NLRP7: variants seen among roughly 807,000 people sequenced by gnomAD.
The protein encoded by NLRP7 is NACHT, LRR and PYD domains-containing protein 7.
Under a neutral mutation model 85.5 loss-of-function variants are expected in NLRP7, and 72 were observed. The ratio of observed to expected loss-of-function variants is 0.84; its 90% CI spans 0.70 to 1.02. The LOEUF (loss-of-function observed/expected upper bound fraction) is 1.02, where lower values mean the gene tolerates loss of function less well. Among genes scored for constraint, NLRP7 ranks in the 50% least tolerant of loss-of-function variants. The pLI is 0.00. For synonymous variants in NLRP7, 550 were observed against 505.2 expected (o/e 1.09, Z -1.19); for missense variants, 1,243 against 1,219.5 (o/e 1.02, Z -0.29).
chr19:54,947,656 G>A (rs778461497), upstream of NLRP7: 38 of 1,288,884 alleles, frequency 2.9e-5, no homozygotes, highest in Non-Finnish European at 3.6e-5. Context: ...GACATCACCT[G>A]GGCCCCATCC....
chr19:54,927,727 A>C, intron 9 of NLRP7: 1 of 1,614,140 alleles, frequency 6.2e-7, no homozygotes. Context: ...TGAGGAGAGC[A>C]GATCCAAGAT....
rs2068765908 is a variant in NLRP7 at position 54,933,593 on chromosome 19, G to C, written c.2618C>G (p.Pro873Arg). The C allele has an allele frequency of 1.9e-6, 3 of 1,614,146 alleles. No individual in the cohort carries two copies. Among genetic ancestry groups the C allele is most frequent in the Non-Finnish European group, 2.5e-6 (3 of 1,180,018 alleles). The change falls in exon 8 of 10, where the codon CCT becomes CGT. Residue 873 changes from proline (P) to arginine (R), a missense_variant. Transcript: ENST00000340844. Reference sequence around the variant, plus strand: ...CACCAAGGTCTGCAGTTTACAATCAGGGTAACTCAAGCCCTCACACAGAAA... The same window carrying C: ...CACCAAGGTCTGCAGTTTACAATCACGGTAACTCAAGCCCTCACACAGAAA...
chr19:54,944,330 A>C (rs1252900677), intron 1 of NLRP7, among the ~76,000 whole-genome samples: 2 of 151,824 alleles, frequency 1.3e-5, no homozygotes, highest in African/African-American at 4.8e-5. Context: ...GCTGGCAGCA[A>C]TACTGCTCTT....
chr19:54,939,986 G>A lies in NLRP7; in HGVS notation c.833C>T (p.Pro278Leu), dbSNP rs377212676. Residue 278 changes from proline (P) to leucine (L), a missense_variant, in exon 4 of 10, where the codon CCG becomes CTG. Coordinates refer to ENST00000340844, the Ensembl canonical transcript of NLRP7. ...CAAACTCCCCAGGAGGACGGGCACC[G>A]GCTTCTTCTTCTCCCAGTCCCCGCA... The A allele has an allele frequency of 1.2e-5, 20 of 1,614,006 alleles. No homozygotes were observed. Among genetic ancestry groups the A allele is most frequent in the Admixed American group, 3.3e-5 (2 of 59,976 alleles).
At chr19:54,946,207 A>G (rs1395329236) in intron 1 of NLRP7, among the ~76,000 whole-genome samples, 1 of 144,376 alleles carries the variant, frequency 6.9e-6, no homozygotes, top group Non-Finnish European at 1.5e-5. Context: ...GCATCTGGCC[A>G]TTTACATTTT....
intron 1 of NLRP7, among the ~76,000 whole-genome samples, chr19:54,945,600 C>CT (rs1195867789): frequency 1.1e-3 from 162 of 150,952 alleles, no homozygotes; most frequent in Admixed American, 0.011. Context: ...ACATTTTTTT[C>CT]TTTTTTTCTT....
intron 1 of NLRP7, among the ~76,000 whole-genome samples, chr19:54,952,817 C>T (rs1414642480): frequency 6.6e-6 from 1 of 151,990 alleles, no homozygotes; most frequent in Non-Finnish European, 1.5e-5. Flanking sequence ...AAGGCTGAGA[C>T]CTACCGGGCT....
intron 4 of NLRP7, among the ~76,000 whole-genome samples, chr19:54,938,459 C>G (rs1359743513): frequency 6.6e-6 from 1 of 152,144 alleles, no homozygotes; most frequent in Non-Finnish European, 1.5e-5. Context: ...TGAGGTGGCT[C>G]ATGCCTGTAA....
At chr19:54,924,764 C>T (rs1453470597) in intron 9 of NLRP7, among the ~76,000 whole-genome samples, 3 of 152,014 alleles carry the variant, frequency 2.0e-5, no homozygotes, top group South Asian at 2.1e-4. Context: ...AGTGAAACCC[C>T]GTCTCTACTA....
chr19:54,934,601 C>T lies in NLRP7; in HGVS notation c.2359G>A (p.Ala787Thr), dbSNP rs868787179. ...CGCAGGTGCTTCAGGGACTGGTTGGCTTTGAGGACATAGAAGAATTCAGCC... is the reference window on the plus strand; with the variant it reads ...CGCAGGTGCTTCAGGGACTGGTTGGTTTTGAGGACATAGAAGAATTCAGCC... Residue 787 changes from alanine to threonine, a missense_variant, in exon 7 of 10, where the codon GCC (alanine) becomes ACC (threonine). This residue lies in a region of NLRP7 where 613 missense variants were observed against 588.4 expected (regional missense o/e 1.04). Coordinates refer to ENST00000340844, the Ensembl canonical transcript of NLRP7. This position sits in a 1 kb window ranked among gnomAD's most constrained non-coding sequence, Gnocchi z 6.7. 2 of 1,613,978 alleles carry T rather than the reference C, an allele frequency of 1.2e-6. No individual in the cohort carries two copies. The highest frequency in any genetic ancestry group is 1.7e-6 in the Non-Finnish European group (2 of 1,180,022).
Position 54,934,489 on chromosome 19 carries a change from G to A in NLRP7, c.2471C>T (p.Ser824Leu), listed in dbSNP as rs372546461. 2.2e-5 allele frequency: 35 copies of A among 1,614,064 alleles called. No homozygotes were observed. The highest frequency in any genetic ancestry group is 2.6e-5 in the Non-Finnish European group (31 of 1,179,956). Reference sequence around the variant, plus strand: ...CTGCCCATGGGAAGAGGAGACTTACGACAACATCTGCAGGAAGTGTTTTGG... The same window carrying A: ...CTGCCCATGGGAAGAGGAGACTTACAACAACATCTGCAGGAAGTGTTTTGG... The change falls in exon 7 of 10, where the codon TCG becomes TTG. Residue 824 changes from serine (S) to leucine (L), a missense_variant and splice_region_variant. Physicochemically the swap from Ser to Leu is moderately radical, Grantham distance 145 (BLOSUM62 -2). Transcript: ENST00000340844. This position sits in a 1 kb window ranked among gnomAD's most constrained non-coding sequence, Gnocchi z 6.7.
exon 4 of NLRP7, chr19:54,939,644 C>T: frequency 6.2e-7 from 1 of 1,611,506 alleles, no homozygotes; most frequent in Non-Finnish European, 8.5e-7. Context: ...CAGGAACAGC[C>T]CCGTGCGGGT....
At chr19:54,937,810 T>C (rs2069000936) in intron 5 of NLRP7, among the ~76,000 whole-genome samples, 1 of 149,268 alleles carries the variant, frequency 6.7e-6, no homozygotes, top group Non-Finnish European at 1.5e-5. Flanking sequence ...GGCAGGAGAA[T>C]TGCTTGAACC....
intron 9 of NLRP7, among the ~76,000 whole-genome samples, chr19:54,929,356 CTCTG>C (rs1256053602): frequency 6.6e-6 from 1 of 151,822 alleles, no homozygotes; most frequent in South Asian, 2.1e-4. Context: ...CAAAGCGAGA[CTCTG>C]TCTGAAAAAA....
chr19:54,943,963 G>C (rs976150256), intron 1 of NLRP7, among the ~76,000 whole-genome samples: 3 of 152,100 alleles, frequency 2.0e-5, no homozygotes, highest in Non-Finnish European at 4.4e-5. Flanking sequence ...AAGGCAGCAT[G>C]CTTGTTAAAA....
At chr19:54,939,263 C>A in exon 4 of NLRP7, 1 of 1,614,126 alleles carries the variant, frequency 6.2e-7, no homozygotes, top group Non-Finnish European at 8.5e-7. Flanking sequence ...TAAGAAGTGT[C>A]CTACTTGAAT....
At chr19:54,960,056 T>C (rs900649516) in intron 1 of NLRP7, among the ~76,000 whole-genome samples, 2 of 152,050 alleles carry the variant, frequency 1.3e-5, no homozygotes, top group African/African-American at 4.8e-5. Flanking sequence ...GTAGTTCCTC[T>C]TTTGGATCTC....
intron 1 of NLRP7, among the ~76,000 whole-genome samples, chr19:54,956,896 C>A (rs908548948): frequency 6.6e-6 from 1 of 151,798 alleles, no homozygotes; most frequent in African/African-American, 2.4e-5. Context: ...TCCCAAAGTG[C>A]TGGAATTACA....
chr19:54,939,540 T>C lies in NLRP7; in HGVS notation c.1279A>G (p.Met427Val), dbSNP rs1024608661. Residue 427 changes from methionine to valine, a missense_variant, in exon 4 of 10, where the codon ATG becomes GTG. Physicochemically the swap from Met to Val is conservative, Grantham distance 21 (BLOSUM62 1). Transcript: ENST00000340844. ...AGGTCCTCTCGGTGGAACACGGACA[T>C]CTGCGCCCACAGGCCCTGCGCGGCC... The C allele has an allele frequency of 6.2e-7, 1 of 1,611,954 alleles. No individual in the cohort carries two copies. The highest frequency in any genetic ancestry group is 1.3e-5 in the African/African-American group (1 of 74,458).
Sources: allele counts gnomAD v4.1 joint callset (sites outside exome capture counted in the v4.1 genomes callset), GRCh38; gene constraint gnomAD v4.1.1; regional missense constraint gnomAD v4.1.1; non-coding constraint Gnocchi (gnomAD v3.1); transcripts MANE v1.5; gene names NCBI Gene and HGNC (gene_info 2026-07-23, HGNC 2026-07-21).